C13orf42: variants seen among roughly 807,000 people sequenced by gnomAD.
C13orf42 encodes chromosome 13 open reading frame 42, also known as uncharacterized protein C13orf42.
chr13:51,089,193 T>A (rs1400073168), intron 1 of C13orf42, among the ~76,000 whole-genome samples: 2 of 152,250 alleles, frequency 1.3e-5, no homozygotes, highest in African/African-American at 4.8e-5. Context: ...CATCTCTATG[T>A]GTACAAGATG....
In C13orf42 at chr13:51,087,972, C is replaced by T. The variant is rs904024497; in HGVS notation, c.518G>A (p.Arg173Gln). ...IAELDTERRP[R>Q]AAEASLPNED... is the part of the protein sequence containing the mutation. The stretch of plus-strand genomic sequence containing the variant: ...ATTTGGCAGGCTGGCCTCAGCAGCC[C>T]GGGGTCGTCTCTCTGTATCCAGCTC... The change falls in exon 2 of 4, where the codon CGG (arginine) becomes CAG (glutamine). Residue 173 changes from arginine to glutamine, a missense_variant. Transcript: ENST00000563710. 16 of 398,772 alleles carry T rather than the reference C, an allele frequency of 4.0e-5. No homozygotes were observed. The highest frequency in any genetic ancestry group is 3.2e-4 in the East Asian group (9 of 28,088). The allele number at this position is 398,772 out of a possible 1,614,324, so 24.7% of individuals were successfully genotyped here.
intron 1 of C13orf42, among the ~76,000 whole-genome samples, chr13:51,160,129 G>C (rs1349414831): frequency 6.6e-6 from 1 of 152,218 alleles, no homozygotes; most frequent in South Asian, 2.1e-4. Flanking sequence ...TTCAAGTTGA[G>C]ATTTGGGTGG....
At chr13:51,161,732 A>G in intron 1 of C13orf42, 1 of 249,270 alleles carries the variant, frequency 4.0e-6, no homozygotes, top group South Asian at 5.4e-5. Flanking sequence ...AATCTGCAAC[A>G]TTCTGACCCA....
At chr13:51,153,438 A>T (rs1953796376) in intron 1 of C13orf42, among the ~76,000 whole-genome samples, 1 of 150,662 alleles carries the variant, frequency 6.6e-6, no homozygotes, top group Non-Finnish European at 1.5e-5. Context: ...AAATAAAAAA[A>T]CATGACAGAG....
chr13:51,106,278 C>T (rs1953354904), intron 1 of C13orf42, among the ~76,000 whole-genome samples: 1 of 152,202 alleles, frequency 6.6e-6, no homozygotes, highest in South Asian at 2.1e-4. Context: ...CAGTCTCTCC[C>T]ACTTTGGGAG....
chr13:51,139,449 G>T (rs1164472884), intron 1 of C13orf42, among the ~76,000 whole-genome samples: 1 of 152,180 alleles, frequency 6.6e-6, no homozygotes, highest in Non-Finnish European at 1.5e-5. Flanking sequence ...GACGCATTTG[G>T]ACCAGAGCAA....
intron 1 of C13orf42, among the ~76,000 whole-genome samples, chr13:51,127,633 T>C (rs1953587078): frequency 6.6e-6 from 1 of 152,232 alleles, no homozygotes; most frequent in African/African-American, 2.4e-5. Flanking sequence ...GTGTCCAATA[T>C]ATTACTTCCT....
chr13:51,147,620 TC>T (rs1427404255), intron 1 of C13orf42, among the ~76,000 whole-genome samples: 1 of 151,884 alleles, frequency 6.6e-6, no homozygotes, highest in Non-Finnish European at 1.5e-5. Flanking sequence ...TCCCAGCTAC[TC>T]GGGAGGCTGA....
intron 1 of C13orf42, among the ~76,000 whole-genome samples, chr13:51,108,667 T>G (rs9568516): frequency 0.11 from 16,853 of 152,226 alleles, 1,152 homozygotes; most frequent in African/African-American, 0.19. Context: ...ACTCCTCACA[T>G]TATCATTTCC....
At chr13:51,157,191 T>C (rs1953830644) in intron 1 of C13orf42, among the ~76,000 whole-genome samples, 1 of 152,132 alleles carries the variant, frequency 6.6e-6, no homozygotes, top group Non-Finnish European at 1.5e-5. Flanking sequence ...CCCAGCACTT[T>C]GGGAGGCCGA....
At chr13:51,160,014 A>G (rs1342231810) in intron 1 of C13orf42, among the ~76,000 whole-genome samples, 1 of 152,200 alleles carries the variant, frequency 6.6e-6, no homozygotes, top group Non-Finnish European at 1.5e-5. Context: ...ATCTTGTGAG[A>G]CTTACTCACT....
intron 1 of C13orf42, among the ~76,000 whole-genome samples, chr13:51,150,006 A>G (rs1324318362): frequency 6.6e-6 from 1 of 152,240 alleles, no homozygotes; most frequent in Non-Finnish European, 1.5e-5. Flanking sequence ...TAAATGAAAT[A>G]TTTGACGAAT....
At chr13:51,127,411 T>C (rs1340544) in intron 1 of C13orf42, among the ~76,000 whole-genome samples, 47,052 of 152,116 alleles carry the variant, frequency 0.31, 7,618 homozygotes, top group South Asian at 0.41. Context: ...TCCATAGCCA[T>C]ACAGCTAGTA....
chr13:51,109,880 T>G (rs1410268006), intron 1 of C13orf42, among the ~76,000 whole-genome samples: 1 of 152,232 alleles, frequency 6.6e-6, no homozygotes, highest in East Asian at 1.9e-4. Context: ...TCTGTGATAC[T>G]GAAGGAGTTC....
At chr13:51,090,008 G>A (rs73483793) in intron 1 of C13orf42, among the ~76,000 whole-genome samples, 2,412 of 151,998 alleles carry the variant, frequency 0.016, 49 homozygotes, top group African/African-American at 0.055. Flanking sequence ...AGGAAGTGGA[G>A]ACGCTCTAGA....
At chr13:51,096,500 A>G (rs1023113416) in intron 1 of C13orf42, among the ~76,000 whole-genome samples, 3 of 152,182 alleles carry the variant, frequency 2.0e-5, no homozygotes, top group African/African-American at 7.2e-5. Context: ...TTTAGTTCAT[A>G]TTTGTATCTC....
upstream of C13orf42, among the ~76,000 whole-genome samples, chr13:51,114,653 GAC>G (rs370509257): frequency 0.12 from 10,301 of 84,666 alleles, 434 homozygotes; most frequent in South Asian, 0.22. Context: ...GATAGAGATA[GAC>G]AGACAGACAG....
intron 1 of C13orf42, among the ~76,000 whole-genome samples, chr13:51,107,160 G>A (rs1953366737): frequency 6.6e-6 from 1 of 152,142 alleles, no homozygotes; most frequent in Admixed American, 6.5e-5. Context: ...ATCTCCAGGG[G>A]GCTGGGGTAA....
rs147047288 is a variant in C13orf42, at chr13:51,157,461, A to G, written n.136+14792T>C. Among the ~76,000 whole-genome samples the G allele has an allele frequency of 4.2e-4, 62 of 148,698 alleles. No homozygotes were observed. The East Asian group carries it at 7.5e-3, about 18-fold the overall frequency. On this transcript the variant is annotated intron_variant and non_coding_transcript_variant, in intron 1 of 4. Coordinates refer to the C13orf42 transcript ENST00000433280. ...AAGATAAAATAAAATAAAATAAAAT[A>G]AAATGAAATAAAATTCCCACACCAA...
Sources: allele counts gnomAD v4.1 joint callset (sites outside exome capture counted in the v4.1 genomes callset), GRCh38; gene constraint gnomAD v4.1.1; transcripts MANE v1.5; gene names NCBI Gene and HGNC (gene_info 2026-07-23, HGNC 2026-07-21).